The following KIAA0825 variants were observed in gnomAD, a reference collection of about 807,000 sequenced individuals.
KIAA0825 encodes KIAA0825, also known as uncharacterized protein KIAA0825.
KIAA0825 carries 119 observed loss-of-function variants against 147.6 expected under a neutral mutation model. The observed-to-expected ratio is 0.81, with a 90% CI of 0.69 to 0.94. The LOEUF is 0.94. KIAA0825 is among the 40% of genes least tolerant of loss of function. KIAA0825 has a pLI of 0.00. For missense variants in KIAA0825, 1,381 were observed against 1,472.7 expected (o/e 0.94, Z 1.02); for synonymous variants, 470 against 518.1 (o/e 0.91, Z 1.26).
At chr5:94,477,068 T>C (rs1761977514) in intron 7 of KIAA0825, 43 bp downstream of exon 7, 1 of 1,278,372 alleles carries the variant, frequency 7.8e-7, no homozygotes, top group Non-Finnish European at 1.1e-6. Context: ...CATATGATGA[T>C]ATTATATGTG....
intron 13 of KIAA0825, among the ~76,000 whole-genome samples, chr5:94,441,455 C>G (rs982375929): frequency 6.6e-6 from 1 of 152,130 alleles, no homozygotes; most frequent in Non-Finnish European, 1.5e-5. Flanking sequence ...TGGCTGCACC[C>G]ACAATGGGCT....
chr5:94,499,583 TC>T (rs1562562339), intron 5 of KIAA0825, among the ~76,000 whole-genome samples: 3 of 42,808 alleles, frequency 7.0e-5, no homozygotes, highest in Admixed American at 3.1e-4. Context: ...TATTTCCCAA[TC>T]TGGGGGGGGG....
chr5:94,323,718 G>A (rs1780422372), intron 20 of KIAA0825, among the ~76,000 whole-genome samples: 1 of 151,884 alleles, frequency 6.6e-6, no homozygotes, highest in African/African-American at 2.4e-5. Context: ...TTTAGAAAGT[G>A]TCTAATGGCA....
intron 5 of KIAA0825, among the ~76,000 whole-genome samples, chr5:94,508,317 T>C (rs1554296301): frequency 6.6e-6 from 1 of 152,172 alleles, no homozygotes; most frequent in Non-Finnish European, 1.5e-5. Flanking sequence ...GTAAGATAAT[T>C]ATAAAAAATC....
rs367561525 is a variant in KIAA0825 at position 94,608,473 on chromosome 5, TA to T, written c.-153+10026del. On this transcript the variant is annotated intron_variant, in intron 1 of 20. Transcript: ENST00000682413. Reference sequence around the variant, plus strand: ...TGTGTATATATATATATTATATATATAATATATATATATATATAATTATATA... The same window carrying T: ...TGTGTATATATATATATTATATATATATATATATATATATATAATTATATA... 3.4e-3 allele frequency among the ~76,000 whole-genome samples: 66 copies of T among 19,416 alleles called. 12 individuals carry two copies. Among genetic ancestry groups the T allele is most frequent in the Admixed American group, 0.012 (15 of 1,244 alleles). The allele number at this position is 19,416 out of a possible 152,430, so 12.7% of individuals were successfully genotyped here. A position where few individuals can be genotyped will look rare whatever the true frequency, so the allele number is the denominator to read the frequency against.
At chr5:94,419,821 G>A (rs1389568950) in intron 14 of KIAA0825, among the ~76,000 whole-genome samples, 2 of 152,192 alleles carry the variant, frequency 1.3e-5, no homozygotes, top group Non-Finnish European at 2.9e-5. Context: ...TGCCTGGGCA[G>A]TCCTGGTTTA....
chr5:94,518,975 A>C (rs1002714511), intron 5 of KIAA0825, among the ~76,000 whole-genome samples: 1 of 152,064 alleles, frequency 6.6e-6, no homozygotes, highest in African/African-American at 2.4e-5. Flanking sequence ...AGAATATAAA[A>C]ATTTTAGAAA....
chr5:94,461,295 G>T (rs1020743209), intron 12 of KIAA0825, among the ~76,000 whole-genome samples: 10 of 151,796 alleles, frequency 6.6e-5, no homozygotes, highest in African/African-American at 2.4e-4. Context: ...CTTTGTTCCC[G>T]ATTTTCACAG....
rs573495815 is a variant in KIAA0825, at chr5:94,364,177, A to G, written c.3710+20191T>C. ...GACATCAACGTATATAATGTAGTGT[A>G]TAAATGCCCCGAGAATTGGGAAGAC... On this transcript the variant is annotated intron_variant, in intron 20 of 20. Coordinates refer to ENST00000682413, the MANE Select transcript of KIAA0825 (RefSeq NM_001145678.3). 2.6e-5 allele frequency among the ~76,000 whole-genome samples: 4 copies of G among 152,090 alleles called. No homozygotes were observed. In the East Asian group the frequency reaches 7.8e-4, roughly 30 times the overall value.
At chr5:94,162,617 G>A (rs1291847015) in intron 20 of KIAA0825, among the ~76,000 whole-genome samples, 2 of 152,164 alleles carry the variant, frequency 1.3e-5, no homozygotes, top group African/African-American at 2.4e-5. Context: ...AATGATCACA[G>A]AATAATAACA....
rs188290082 is a variant in KIAA0825 at position 94,245,784 on chromosome 5, C to T, written c.3711-91660G>A. Reference sequence around the variant, plus strand: ...GACAGTTCTACCCTCATGGAATCACCTTTGAGTATAAAAGAGGTCTTGAGA... The same window carrying T: ...GACAGTTCTACCCTCATGGAATCACTTTTGAGTATAAAAGAGGTCTTGAGA... On this transcript the variant is annotated intron_variant, in intron 20 of 20. Transcript: ENST00000682413. 6.0e-3 allele frequency among the ~76,000 whole-genome samples: 907 copies of T among 152,166 alleles called. 3 individuals are homozygous for T. The highest frequency in any genetic ancestry group is 8.0e-3 in the Non-Finnish European group (543 of 67,990).
intron 20 of KIAA0825, among the ~76,000 whole-genome samples, chr5:94,277,314 A>G (rs568570422): frequency 6.6e-5 from 10 of 152,202 alleles, no homozygotes; most frequent in Non-Finnish European, 1.5e-4. Flanking sequence ...CATCAGAGTG[A>G]ACAGGCAACC....
intron 20 of KIAA0825, among the ~76,000 whole-genome samples, chr5:94,232,562 T>C (rs555620075): frequency 9.2e-5 from 14 of 152,222 alleles, no homozygotes; most frequent in Non-Finnish European, 1.9e-4. Flanking sequence ...TAATTTAATA[T>C]GATAGATTCA....
intron 20 of KIAA0825, among the ~76,000 whole-genome samples, chr5:94,155,244 G>T (rs1264823454): frequency 1.5e-4 from 22 of 146,582 alleles, no homozygotes; most frequent in Non-Finnish European, 2.7e-4. Context: ...TTGAGACAGG[G>T]TCTCCCTCTG....
In KIAA0825 at chr5:94,470,873, G is replaced by A. The variant is rs530950709; in HGVS notation, c.1721+593C>T. On this transcript the variant is annotated intron_variant, in intron 9 of 20. Transcript: ENST00000682413. The stretch of plus-strand genomic sequence containing the variant: ...CAAGAAGCCATGTTATATCTAGACA[G>A]TGTAAGGGCAACAAGAAAGACCATA... Among the ~76,000 whole-genome samples, 6 of 152,274 alleles carry A rather than the reference G, an allele frequency of 3.9e-5. No homozygotes were observed. In the South Asian group the frequency reaches 1.2e-3, roughly 32 times the overall value.
intron 2 of KIAA0825, among the ~76,000 whole-genome samples, chr5:94,543,204 G>A (rs188480221): frequency 1.5e-4 from 23 of 152,326 alleles, no homozygotes; most frequent in African/African-American, 4.6e-4. Context: ...AGCATTTTGC[G>A]AGGCTGAGAC....
At chr5:94,207,468 C>T (rs905241883) in intron 20 of KIAA0825, among the ~76,000 whole-genome samples, 2 of 152,146 alleles carry the variant, frequency 1.3e-5, no homozygotes, top group Non-Finnish European at 2.9e-5. Context: ...ATGCCTACTC[C>T]TCATCAAGAG....
At chr5:94,445,735 T>C (rs1307462236) in intron 13 of KIAA0825, among the ~76,000 whole-genome samples, 1 of 152,174 alleles carries the variant, frequency 6.6e-6, no homozygotes, top group Admixed American at 6.6e-5. Context: ...CCTTAAGATA[T>C]CTAGGTCCAT....
chr5:94,170,143 C>CA (rs1768477151), intron 20 of KIAA0825, among the ~76,000 whole-genome samples: 1 of 151,932 alleles, frequency 6.6e-6, no homozygotes, highest in Admixed American at 6.6e-5. Context: ...ACTAAAAATA[C>CA]AAAAAATAAG....
Sources: allele counts gnomAD v4.1 joint callset (sites outside exome capture counted in the v4.1 genomes callset), GRCh38; gene constraint gnomAD v4.1.1; transcripts MANE v1.5; gene names NCBI Gene and HGNC (gene_info 2026-07-23, HGNC 2026-07-21).